ARMCX4: variants seen among roughly 807,000 people sequenced by gnomAD.
ARMCX4 encodes the protein armadillo repeat containing X-linked 4, also known as armadillo repeat-containing X-linked protein 4.
ARMCX4 carries 3 observed loss-of-function variants against 34.7 expected under a neutral mutation model. The observed-to-expected ratio is 0.09, with a 90% CI of 0.04 to 0.22. The LOEUF (loss-of-function observed/expected upper bound fraction) is 0.22, where lower values mean the gene tolerates loss of function less well. Among genes scored for constraint, ARMCX4 ranks in the 10% least tolerant of loss-of-function variants. ARMCX4 has a pLI of 1.00. For synonymous variants in ARMCX4, 513 were observed against 632.8 expected (o/e 0.81, Z 2.84); for missense variants, 1,448 against 1,720.8 (o/e 0.84, Z 2.81).
Position 101,491,586 on chromosome X carries a change from G to C in ARMCX4, c.2997G>C (p.Glu999Asp), listed in dbSNP as rs1474912965. The change falls in exon 6 of 6, where the codon GAG becomes GAC. Residue 999 changes from glutamate to aspartate, a missense_variant. Around this residue, in one of 2 missense-constraint regions of ARMCX4, gnomAD observed 1,343 missense variants for 1,540.7 expected, o/e 0.87. Coordinates refer to ENST00000423738, the MANE Select transcript of ARMCX4 (RefSeq NM_001256155.3). ...QPQAVANSQS[E>D]TLLGARNKVK... ...AAGCTGTCGCTAATTCCCAGAGTGA[G>C]ACCTTGCTTGGTGCCAGGAATAAGG... 3 of 1,155,738 alleles carry C rather than the reference G, an allele frequency of 2.6e-6. No individual in the cohort carries two copies. In the East Asian group the frequency reaches 9.8e-5, roughly 38 times the overall value.
At chrX:101,439,890 C>G in intron 2 of ARMCX4, among the ~76,000 whole-genome samples, 2 of 111,317 alleles carry the variant, frequency 1.8e-5, no homozygotes, top group African/African-American at 6.5e-5. Flanking sequence ...AATTTTTTTT[C>G]AAGGTTTTTA....
intron 2 of ARMCX4, chrX:101,443,906 A>G: frequency 2.6e-6 from 1 of 380,401 alleles, no homozygotes; most frequent in South Asian, 2.6e-5. Flanking sequence ...TGTATGCTTC[A>G]GGATGAAGTT....
intron 4 of ARMCX4, among the ~76,000 whole-genome samples, chrX:101,455,805 G>GC (rs1471344801): frequency 9.0e-6 from 1 of 110,502 alleles, no homozygotes; most frequent in African/African-American, 3.3e-5. Flanking sequence ...TTCAACCCTC[G>GC]CCCCCCTCCA....
chrX:101,490,668 T>C lies in ARMCX4; in HGVS notation c.2079T>C (p.Asn693=). ...AGAATAAGGTCAAGGGTAATTCCAATGCTGTGTCTAAGGCAGGGGCTGGGA... is the reference window on the plus strand; with the variant it reads ...AGAATAAGGTCAAGGGTAATTCCAACGCTGTGTCTAAGGCAGGGGCTGGGA... ...DSKNKVKGNS[N]AVSKAGAGTD... The change falls in exon 6 of 6, where the codon AAT becomes AAC. Residue 693 remains asparagine (N), a synonymous_variant. Coordinates refer to ENST00000423738, the MANE Select transcript of ARMCX4 (RefSeq NM_001256155.3). 8.7e-7 allele frequency: 1 copy of C among 1,155,812 alleles called. No individual in the cohort carries two copies. The highest frequency in any genetic ancestry group is 1.1e-6 in the Non-Finnish European group (1 of 872,856).
At chrX:101,487,843 C>T (rs1933812109) in intron 4 of ARMCX4, among the ~76,000 whole-genome samples, 152 bp downstream of exon 4, 1 of 111,508 alleles carries the variant, frequency 9.0e-6, no homozygotes, top group South Asian at 3.8e-4. Flanking sequence ...TCATTTACTC[C>T]ATACCCTCAC....
chrX:101,454,006 T>C (rs970090792), intron 4 of ARMCX4, among the ~76,000 whole-genome samples: 48 of 110,452 alleles, frequency 4.3e-4, no homozygotes, highest in African/African-American at 1.5e-3. Context: ...TTTAGAGATA[T>C]AGCGTCGTTA....
At chrX:101,504,072 T>C (rs1474099110) in intron 7 of ARMCX4, among the ~76,000 whole-genome samples, 6 of 109,547 alleles carry the variant, frequency 5.5e-5, no homozygotes, top group Admixed American at 1.9e-4. Flanking sequence ...GTTTTTGTCA[T>C]GTTTGTCAAA....
chrX:101,422,970 C>T (rs1378689944), intron 2 of ARMCX4, among the ~76,000 whole-genome samples: 16 of 110,791 alleles, frequency 1.4e-4, no homozygotes, highest in Admixed American at 3.8e-4. Context: ...AGTGCAGTGG[C>T]GCAATCTTGG....
intron 7 of ARMCX4, among the ~76,000 whole-genome samples, chrX:101,504,600 A>G (rs1450300428): frequency 9.0e-6 from 1 of 110,786 alleles, no homozygotes; most frequent in Non-Finnish European, 1.9e-5. Flanking sequence ...TTTTGGAGAG[A>G]TAGCTGGTCT....
Position 101,487,578 on chromosome X carries a change from A to G in ARMCX4, c.-286-30A>G, listed in dbSNP as rs1556007181. On this transcript the variant is annotated intron_variant, in intron 3 of 5. Coordinates refer to ENST00000423738, the MANE Select transcript of ARMCX4 (RefSeq NM_001256155.3). Reference sequence around the variant, plus strand: ...CTGTTCTACCAGGGACTCGGTTTCCATTACCTACTGTTTGTTTACTTGTCC... The same window carrying G: ...CTGTTCTACCAGGGACTCGGTTTCCGTTACCTACTGTTTGTTTACTTGTCC... 6 of 848,747 alleles carry G rather than the reference A, an allele frequency of 7.1e-6. No individual in the cohort carries two copies. In the South Asian group the frequency reaches 1.1e-4, roughly 15 times the overall value. 69.9% of individuals were successfully genotyped at this position (848,747 alleles called of 1,213,427 possible).
rs1367989592 is a variant in ARMCX4, at chrX:101,474,576, C to A, written c.-472-11447C>A. On this transcript the variant is annotated intron_variant and NMD_transcript_variant, in intron 4 of 15. Transcript: ENST00000433011. ...AAATCCTCAATAAAATACTGGCAAA[C>A]TGAATCCAGCAGCACATCAAAAAGC... 3.3e-3 allele frequency among the ~76,000 whole-genome samples: 340 copies of A among 103,566 alleles called. 2 individuals are homozygous for A. The highest frequency in any genetic ancestry group is 0.012 in the African/African-American group (331 of 28,136). The allele number at this position is 103,566 out of a possible 115,157, so 89.9% of individuals were successfully genotyped here. A position where few individuals can be genotyped will look rare whatever the true frequency, so the allele number is the denominator to read the frequency against.
intron 11 of ARMCX4, among the ~76,000 whole-genome samples, chrX:101,529,104 C>G (rs1372285956): frequency 9.0e-6 from 1 of 111,560 alleles, no homozygotes; most frequent in African/African-American, 3.3e-5. Flanking sequence ...CTACAGTAAC[C>G]AAAACAGCAT....
At chrX:101,512,817 CATATATATACACAT>C (rs1258050209) in intron 11 of ARMCX4, among the ~76,000 whole-genome samples, 7 of 84,082 alleles carry the variant, frequency 8.3e-5, no homozygotes, top group African/African-American at 3.7e-4. Flanking sequence ...CATATATACA[CATATATATACACAT>C]ATATATATGT....
intron 2 of ARMCX4, among the ~76,000 whole-genome samples, chrX:101,433,001 T>TATACACACATATGTATACATAGAC (rs1569314946): frequency 2.9e-4 from 17 of 57,783 alleles, no homozygotes; most frequent in Non-Finnish European, 6.1e-4. Flanking sequence ...TATACATATA[T>TATACACACATATGTATACATAGAC]GTGTATATAT....
intron 4 of ARMCX4, among the ~76,000 whole-genome samples, chrX:101,474,500 C>T (rs1933079774): frequency 9.8e-6 from 1 of 102,100 alleles, no homozygotes. Flanking sequence ...GGCAGAGACA[C>T]AACCAAAAAA....
downstream of ARMCX4, among the ~76,000 whole-genome samples, chrX:101,447,117 C>A (rs1931696887): frequency 8.9e-6 from 1 of 111,806 alleles, no homozygotes; most frequent in South Asian, 3.7e-4. Flanking sequence ...TGGCTGCTGG[C>A]TTCCTCCAGA....
At chrX:101,474,440 T>A (rs1933077022) in intron 4 of ARMCX4, among the ~76,000 whole-genome samples, 1 of 107,883 alleles carries the variant, frequency 9.3e-6, no homozygotes, top group South Asian at 4.2e-4. Flanking sequence ...AAAGAGGGAA[T>A]CCTCCCTAAC....
In ARMCX4 at chrX:101,490,165, G is replaced by C; in HGVS notation, c.1576G>C (p.Gly526Arg). 8.7e-7 allele frequency: 1 copy of C among 1,155,723 alleles called. No individual in the cohort carries two copies. Residue 526 changes from glycine (G) to arginine (R), a missense_variant, in exon 6 of 6, where the codon GGT becomes CGT. Transcript: ENST00000423738. ...SQGEALPNTR[G>R]KARGKAKAKC... ...GGGTGAAGCCTTACCTAATACTAGA[G>C]GTAAGGCTAGGGGCAAAGCCAAAGC...
At chrX:101,476,954 GAC>G (rs1458560564) in intron 4 of ARMCX4, among the ~76,000 whole-genome samples, 3 of 110,759 alleles carry the variant, frequency 2.7e-5, no homozygotes, top group East Asian at 5.6e-4. Context: ...AAAAAGAAGA[GAC>G]AATAAACAAC....
Sources: allele counts gnomAD v4.1 joint callset (sites outside exome capture counted in the v4.1 genomes callset), GRCh38; gene constraint gnomAD v4.1.1; regional missense constraint gnomAD v4.1.1; transcripts MANE v1.5; gene names NCBI Gene and HGNC (gene_info 2026-07-23, HGNC 2026-07-21).